The following CLEC17A variants were observed in gnomAD, a reference collection of about 807,000 sequenced individuals.
The protein encoded by CLEC17A is C-type lectin domain family 17, member A.
A neutral mutation model predicts 61.3 loss-of-function variants in CLEC17A; 37 were observed. The ratio of observed to expected loss-of-function variants is 0.60; its 90% CI spans 0.46 to 0.79. CLEC17A has a LOEUF of 0.79. Among genes scored for constraint, CLEC17A ranks in the 30% least tolerant of loss-of-function variants. The pLI, the probability that CLEC17A is intolerant of heterozygous loss-of-function variation, is 0.00. For synonymous variants in CLEC17A, 168 were observed against 164.9 expected (o/e 1.02, Z -0.14); for missense variants, 418 against 464.7 (o/e 0.90, Z 0.92).
At chr19:14,589,712 C>T (rs917228525) in intron 3 of CLEC17A, among the ~76,000 whole-genome samples, 7 of 151,666 alleles carry the variant, frequency 4.6e-5, no homozygotes, top group South Asian at 4.2e-4. Context: ...GTGACCTTTA[C>T]GTTCTCATAT....
chr19:14,581,799 C>T (rs1266302577), upstream of CLEC17A, among the ~76,000 whole-genome samples: 2 of 151,834 alleles, frequency 1.3e-5, no homozygotes, highest in East Asian at 1.9e-4. Context: ...ATTACAGGTG[C>T]GCGCCACCAT....
chr19:14,580,975 C>T (rs118161425), upstream of CLEC17A, among the ~76,000 whole-genome samples: 5,539 of 152,246 alleles, frequency 0.036, 143 homozygotes, highest in Middle Eastern at 0.054. Context: ...CAATTAAGAC[C>T]GGGGCTACCC....
intron 4 of CLEC17A, among the ~76,000 whole-genome samples, 189 bp downstream of exon 4, chr19:14,592,547 TG>T (rs763813409): frequency 1.8e-4 from 27 of 152,246 alleles, no homozygotes; most frequent in Non-Finnish European, 2.9e-4. Context: ...GACACAGCCT[TG>T]GTGAGCAGGG....
chr19:14,596,059 C>T (rs1251447879), intron 8 of CLEC17A, among the ~76,000 whole-genome samples: 7 of 360 alleles, frequency 0.019, no homozygotes, highest in Admixed American at 0.13. Context: ...AGAAGCTTCT[C>T]CTCTCTGAGT....
chr19:14,596,705 C>T (rs1419938225), intron 8 of CLEC17A, among the ~76,000 whole-genome samples, 171 bp from the exon 9 acceptor site: 1 of 152,154 alleles, frequency 6.6e-6, no homozygotes, highest in Non-Finnish European at 1.5e-5. Context: ...CAAAAAGACC[C>T]TGAGCCTCCC....
chr19:14,599,715 A>C lies in CLEC17A; in HGVS notation c.647-2A>C. On this transcript the variant is annotated splice_acceptor_variant, in intron 10 of 13. Transcript: ENST00000417570. LOFTEE classifies it high-confidence loss of function. ...AGCCCTCAAGCCCATCCCTTCTGAC[A>C]GTGACTGGCATGGCAGGGCTAGCTG... 6.2e-7 allele frequency: 1 copy of C among 1,612,770 alleles called. No individual in the cohort carries two copies. The highest frequency in any genetic ancestry group is 8.5e-7 in the Non-Finnish European group (1 of 1,178,894).
At chr19:14,583,247 G>C in intron 1 of CLEC17A, 44 bp downstream of exon 1, 1 of 1,613,608 alleles carries the variant, frequency 6.2e-7, no homozygotes, top group East Asian at 2.2e-5. Context: ...GGTGTGGTCA[G>C]GACCCAGGGT....
rs768397712 is a variant in CLEC17A at position 14,592,250 on chromosome 19, G to T, written c.200-31G>T. On this transcript the variant is annotated intron_variant, in intron 3 of 13. Transcript: ENST00000417570. Reference sequence around the variant, plus strand: ...TGAGGGATGGAGGGAGGAGGGAATGGCTGGGCTCTGACTTGCCTTTCCCCT... The same window carrying T: ...TGAGGGATGGAGGGAGGAGGGAATGTCTGGGCTCTGACTTGCCTTTCCCCT... 7.7e-6 allele frequency: 12 copies of T among 1,554,936 alleles called. No homozygotes were observed. The South Asian group carries it at 1.2e-4, about 15-fold the overall frequency.
rs762457015 is a variant in CLEC17A at position 14,594,815 on chromosome 19, G to C, written c.403+15G>C. 3 of 1,611,556 alleles carry C rather than the reference G, an allele frequency of 1.9e-6. No homozygotes were observed. The highest frequency in any genetic ancestry group is 2.5e-6 in the Non-Finnish European group (3 of 1,178,082). ...TCCTCAACTGGGTGAGCAGTGGGAA[G>C]ACCCTTTAAGATGCCTAAGAGGGGA... On this transcript the variant is annotated intron_variant, in intron 7 of 13. Coordinates refer to ENST00000417570, the MANE Select transcript of CLEC17A (RefSeq NM_001204118.2).
Position 14,596,973 on chromosome 19 carries a change from G to A in CLEC17A, c.543G>A (p.Leu181=), listed in dbSNP as rs548628550. 4.6e-4 allele frequency: 741 copies of A among 1,609,022 alleles called. 9 individuals carry two copies. The South Asian group carries it at 7.9e-3, about 17-fold the overall frequency. Residue 181 remains leucine (L), a synonymous_variant, in exon 9 of 14, where the codon CTG becomes CTA. Coordinates refer to ENST00000417570, the MANE Select transcript of CLEC17A (RefSeq NM_001204118.2). The part of the protein sequence containing the change: ...VYLCLLVVTS[L]FLGCLGLTVT... Reference sequence around the variant, plus strand: ...TGTGTCTGCTGGTGGTGACTTCCCTGTTCCTGGGCTGCCTTGGTCTCACTG... The same window carrying A: ...TGTGTCTGCTGGTGGTGACTTCCCTATTCCTGGGCTGCCTTGGTCTCACTG...
At chr19:14,608,124 A>G (rs1447455070) in intron 13 of CLEC17A, among the ~76,000 whole-genome samples, 1 of 151,906 alleles carries the variant, frequency 6.6e-6, no homozygotes. Flanking sequence ...CACCCGCCTT[A>G]GCCTCCCAAA....
At chr19:14,596,203 A>T (rs532163247) in intron 8 of CLEC17A, among the ~76,000 whole-genome samples, 2 of 152,140 alleles carry the variant, frequency 1.3e-5, no homozygotes, top group Admixed American at 6.6e-5. Flanking sequence ...AGAGTAGAAG[A>T]TGATGCATCA....
chr19:14,587,476 G>A, intron 2 of CLEC17A, 138 bp from the exon 3 acceptor site: 1 of 1,333,298 alleles, frequency 7.5e-7, no homozygotes, highest in Middle Eastern at 2.7e-4. Context: ...GCCCTGGCCA[G>A]GCTGGGGCTG....
chr19:14,610,501 T>C lies in CLEC17A; in HGVS notation c.*305T>C, dbSNP rs1418863459. 6.7e-5 allele frequency: 22 copies of C among 328,890 alleles called. No individual in the cohort carries two copies. The East Asian group carries it at 1.5e-3, about 22-fold the overall frequency. The allele number at this position is 328,890 out of a possible 1,614,324, so 20.4% of individuals were successfully genotyped here. On this transcript the variant is annotated 3_prime_UTR_variant, in exon 14 of 14. Transcript: ENST00000417570. ...CCTGATCATGACTCTTGGGAAGTGA[T>C]ACTAGCCCTGAGGACCCTGGGGCTG...
intron 8 of CLEC17A, among the ~76,000 whole-genome samples, chr19:14,596,371 T>G (rs1051363165): frequency 1.3e-5 from 2 of 152,180 alleles, no homozygotes; most frequent in Non-Finnish European, 2.9e-5. Flanking sequence ...GGCTTACGCC[T>G]GTAATCCCAG....
In CLEC17A at chr19:14,594,798, T is replaced by C; in HGVS notation, c.401T>C (p.Leu134Pro). The change falls in exon 7 of 14, where the codon CTG becomes CCG. Residue 134 changes from leucine to proline, a missense_variant and splice_region_variant. By Grantham distance (98) the Leu-to-Pro change is moderately conservative. Coordinates refer to ENST00000417570, the MANE Select transcript of CLEC17A (RefSeq NM_001204118.2). ...LAAVTCPPPQLAVNLEPSPLQ... is the reference protein window; with the variant it reads ...LAAVTCPPPQPAVNLEPSPLQ... ...GCTGTCACCTGTCCACCTCCTCAAC[T>C]GGGTGAGCAGTGGGAAGACCCTTTA... 1.2e-6 allele frequency: 2 copies of C among 1,613,682 alleles called. No homozygotes were observed. The highest frequency in any genetic ancestry group is 2.2e-5 in the South Asian group (2 of 91,044).
chr19:14,587,802 T>C (rs994131192), intron 3 of CLEC17A, 111 bp downstream of exon 3: 1 of 1,541,204 alleles, frequency 6.5e-7, no homozygotes, highest in Non-Finnish European at 8.8e-7. Flanking sequence ...ACACAGCCCA[T>C]GCCGGGCACT....
At chr19:14,585,004 C>T (rs2074253274) in intron 2 of CLEC17A, among the ~76,000 whole-genome samples, 2 of 152,194 alleles carry the variant, frequency 1.3e-5, no homozygotes, top group African/African-American at 4.8e-5. Context: ...TAATCCAAAC[C>T]CCACCTCATC....
intron 12 of CLEC17A, among the ~76,000 whole-genome samples, chr19:14,603,822 G>A (rs769810989): frequency 6.6e-6 from 1 of 152,146 alleles, no homozygotes; most frequent in East Asian, 1.9e-4. Flanking sequence ...CACCTACTAT[G>A]TGCTGGAGAC....
Sources: gnomAD v4.1 joint callset for allele counts (sites outside exome capture counted in the v4.1 genomes callset) on GRCh38, gnomAD v4.1.1 for gene constraint, MANE v1.5 for transcripts, NCBI Gene and HGNC (gene_info 2026-07-23, HGNC 2026-07-21) for gene names.